Variants in RNF216 observed in about 807,000 individuals in gnomAD.
The protein encoded by RNF216 is E3 ubiquitin-protein ligase RNF216.
Under a neutral mutation model 110.8 loss-of-function variants are expected in RNF216, and 72 were observed. The ratio of observed to expected loss-of-function variants is 0.65; its 90% CI spans 0.54 to 0.79. The LOEUF is 0.79. Ranked by LOEUF, RNF216 falls within the 30% of genes least tolerant of loss-of-function variation. RNF216 has a pLI of 0.00. For synonymous variants in RNF216, 495 were observed against 407.5 expected (o/e 1.21, Z -2.59); for missense variants, 1,342 against 1,141.2 (o/e 1.18, Z -2.54).
chr7:5,656,996 G>A lies in RNF216; in HGVS notation c.2062-4486C>T, dbSNP rs180896340. 2.3e-4 allele frequency among the ~76,000 whole-genome samples: 35 copies of A among 152,312 alleles called. No individual in the cohort carries two copies. The South Asian group carries it at 3.5e-3, about 15-fold the overall frequency. On this transcript the variant is annotated intron_variant, in intron 13 of 16. Coordinates refer to ENST00000389902, the MANE Select transcript of RNF216 (RefSeq NM_207111.4). Reference sequence around the variant, plus strand: ...TCTGAGCCCACAGGCCAAAGTCACCGGGTTCTGTGTTTGTTTCCTTGCCTT... The same window carrying A: ...TCTGAGCCCACAGGCCAAAGTCACCAGGTTCTGTGTTTGTTTCCTTGCCTT...
chr7:5,626,206 T>C (rs1198896094), intron 15 of RNF216, among the ~76,000 whole-genome samples: 5 of 152,132 alleles, frequency 3.3e-5, no homozygotes, highest in African/African-American at 1.2e-4. Flanking sequence ...TCTAGCCTCT[T>C]TGTGAACACT....
intron 1 of RNF216, among the ~76,000 whole-genome samples, chr7:5,770,307 C>T (rs1796430083): frequency 1.3e-5 from 2 of 151,540 alleles, no homozygotes; most frequent in Admixed American, 1.3e-4. Context: ...ACTAAAAATA[C>T]AAAATTCACC....
intron 1 of RNF216, among the ~76,000 whole-genome samples, chr7:5,768,659 A>C: frequency 7.2e-6 from 1 of 139,834 alleles, no homozygotes. Flanking sequence ...GAAATGAAGC[A>C]ACTTTGTTTT....
intron 5 of RNF216, among the ~76,000 whole-genome samples, chr7:5,734,729 C>G (rs138337391): frequency 0.038 from 5,707 of 151,468 alleles, 161 homozygotes; most frequent in East Asian, 0.072. Flanking sequence ...GAGACTGAGG[C>G]AGGAGAATCA....
At chr7:5,694,005 G>C (rs1260572485) in intron 13 of RNF216, among the ~76,000 whole-genome samples, 1 of 152,150 alleles carries the variant, frequency 6.6e-6, no homozygotes, top group African/African-American at 2.4e-5. Flanking sequence ...CAAAGAACAT[G>C]AGAGAAGCAC....
Position 5,741,156 on chromosome 7 carries a change from G to A in RNF216, c.861C>T (p.Pro287=). 1 of 1,614,160 alleles carries A rather than the reference G, an allele frequency of 6.2e-7. No homozygotes were observed. Among genetic ancestry groups the A allele is most frequent in the Non-Finnish European group, 8.5e-7 (1 of 1,180,042 alleles). The change falls in exon 4 of 17, where the codon CCC becomes CCT. Residue 287 remains proline (P), a synonymous_variant. Transcript: ENST00000389902. ...PEPQQGGISG[P]SSPQPAHPLG... ...GAGGATGGGCAGGCTGAGGAGAAGA[G>A]GGGCCTGAAATCCCACCTTGCTGGG... is the stretch of plus-strand genomic sequence containing the variant.
chr7:5,656,441 G>T (rs144554966), intron 13 of RNF216, among the ~76,000 whole-genome samples: 498 of 152,294 alleles, frequency 3.3e-3, no homozygotes, highest in African/African-American at 0.011. Flanking sequence ...GAAGAACAGG[G>T]TATCGTGGCC....
At chr7:5,752,776 A>T in intron 3 of RNF216, 70 bp downstream of exon 3, 3 of 1,548,324 alleles carry the variant, frequency 1.9e-6, no homozygotes, top group Non-Finnish European at 2.6e-6. Flanking sequence ...AACAAGGCCC[A>T]CAAGAGTGGC....
intron 15 of RNF216, among the ~76,000 whole-genome samples, chr7:5,631,391 A>G (rs1787061416): frequency 6.6e-6 from 1 of 152,176 alleles, no homozygotes; most frequent in Admixed American, 6.5e-5. Flanking sequence ...CTCTTGAGCC[A>G]GAAATCTAAG....
chr7:5,660,262 A>ATTTTTT (rs71547786), intron 13 of RNF216, among the ~76,000 whole-genome samples: 1 of 46,210 alleles, frequency 2.2e-5, no homozygotes, highest in Non-Finnish European at 5.3e-5. Context: ...CCTGTTTTAA[A>ATTTTTT]TTCTTTTTTT....
chr7:5,629,970 C>T (rs577524722), intron 15 of RNF216, among the ~76,000 whole-genome samples: 2 of 152,128 alleles, frequency 1.3e-5, no homozygotes, highest in South Asian at 2.1e-4. Flanking sequence ...GGAGTCAAGT[C>T]CCTCAGGAAA....
At chr7:5,767,953 A>G (rs1397558041) in intron 1 of RNF216, among the ~76,000 whole-genome samples, 1 of 152,156 alleles carries the variant, frequency 6.6e-6, no homozygotes, top group Non-Finnish European at 1.5e-5. Flanking sequence ...GCTGGTAAAC[A>G]CTGAGCTTTC....
At chr7:5,756,136 G>A (rs576148029) in intron 2 of RNF216, among the ~76,000 whole-genome samples, 1 of 152,214 alleles carries the variant, frequency 6.6e-6, no homozygotes, top group African/African-American at 2.4e-5. Flanking sequence ...TGAGGTGTCC[G>A]ATGGTTTTAT....
At chr7:5,733,593 TTTCTC>T (rs1164136550) in intron 5 of RNF216, among the ~76,000 whole-genome samples, 1 of 152,046 alleles carries the variant, frequency 6.6e-6, no homozygotes, top group Non-Finnish European at 1.5e-5. Flanking sequence ...AGTTTATACT[TTTCTC>T]TATCATTTAC....
intron 13 of RNF216, among the ~76,000 whole-genome samples, chr7:5,708,566 G>C (rs543182943): frequency 1.3e-5 from 2 of 152,292 alleles, no homozygotes; most frequent in African/African-American, 4.8e-5. Flanking sequence ...TAAATTACAT[G>C]AGATACTCAT....
intron 14 of RNF216, among the ~76,000 whole-genome samples, chr7:5,647,396 C>T (rs2128572621): frequency 7.5e-6 from 1 of 133,980 alleles, no homozygotes; most frequent in East Asian, 2.5e-4. Context: ...TACACTTGTA[C>T]AATCATGGCT....
intron 13 of RNF216, among the ~76,000 whole-genome samples, chr7:5,666,215 G>GTA (rs1307544933): frequency 6.6e-6 from 1 of 151,236 alleles, no homozygotes; most frequent in Non-Finnish European, 1.5e-5. Context: ...CTCCTACTAA[G>GTA]GACTATGGGT....
At chr7:5,766,578 G>C (rs1397652531) in intron 1 of RNF216, among the ~76,000 whole-genome samples, 3 of 152,194 alleles carry the variant, frequency 2.0e-5, no homozygotes, top group Non-Finnish European at 4.4e-5. Flanking sequence ...TCCAGGAAGA[G>C]AGAACTAACC....
At chr7:5,649,290 G>A (rs1366892386) in intron 14 of RNF216, among the ~76,000 whole-genome samples, 1 of 152,050 alleles carries the variant, frequency 6.6e-6, no homozygotes, top group Non-Finnish European at 1.5e-5. Context: ...TACTCGGGAG[G>A]CTGAGGCAGT....
Sources: gnomAD v4.1 joint callset for allele counts (sites outside exome capture counted in the v4.1 genomes callset) on GRCh38, gnomAD v4.1.1 for gene constraint, MANE v1.5 for transcripts, NCBI Gene and HGNC (gene_info 2026-07-23, HGNC 2026-07-21) for gene names.